RPS6KC1: variants seen among roughly 807,000 people sequenced by gnomAD.
RPS6KC1 encodes inactive ribosomal protein S6 kinase delta-1.
A neutral mutation model predicts 103.8 loss-of-function variants in RPS6KC1; 54 were observed. The ratio of observed to expected loss-of-function variants is 0.52; its 90% CI spans 0.42 to 0.65. The LOEUF is 0.65. RPS6KC1 is among the 30% of genes least tolerant of loss of function. RPS6KC1 has a pLI of 0.00. For synonymous variants in RPS6KC1, 439 were observed against 438.7 expected, an observed-to-expected ratio of 1.00 and a Z score of -0.01; for missense variants, 1,151 against 1,253.8, an observed-to-expected ratio of 0.92 and a Z score of 1.24.
At chr1:213,067,113 G>A (rs935272109) in intron 1 of RPS6KC1, among the ~76,000 whole-genome samples, 3 of 152,192 alleles carry the variant, frequency 2.0e-5, no homozygotes, top group Non-Finnish European at 4.4e-5. Context: ...GACTGAACCA[G>A]TGTACATCTT....
At chr1:213,391,809 A>G in the RPS6KC1 span, among the ~76,000 whole-genome samples, 3 of 152,182 alleles carry the variant, frequency 2.0e-5, no homozygotes, top group Non-Finnish European at 4.4e-5. Flanking sequence ...TTTTTATTCT[A>G]TATATCTTTT....
the RPS6KC1 span, among the ~76,000 whole-genome samples, chr1:213,772,742 G>A: frequency 1.6e-4 from 25 of 152,258 alleles, no homozygotes; most frequent in South Asian, 3.9e-3. Flanking sequence ...TGAACACCCC[G>A]GAGGCAGGGC....
chr1:213,114,167 C>T (rs371344080), intron 4 of RPS6KC1, among the ~76,000 whole-genome samples: 2 of 152,024 alleles, frequency 1.3e-5, no homozygotes, highest in African/African-American at 2.4e-5. Flanking sequence ...GCCATTTTCA[C>T]GATATGGATT....
chr1:213,146,992 G>A (rs1041726314), intron 6 of RPS6KC1, among the ~76,000 whole-genome samples: 1 of 152,122 alleles, frequency 6.6e-6, no homozygotes, highest in East Asian at 1.9e-4. Flanking sequence ...CCATGTGTAT[G>A]TCTTTTGAGA....
the RPS6KC1 span, among the ~76,000 whole-genome samples, chr1:213,823,311 C>A: frequency 6.6e-6 from 1 of 152,206 alleles, no homozygotes; most frequent in African/African-American, 2.4e-5. Flanking sequence ...CCAACTAGAG[C>A]CTAAGTTCTG....
At chr1:213,786,058 C>G in the RPS6KC1 span, among the ~76,000 whole-genome samples, 1 of 151,552 alleles carries the variant, frequency 6.6e-6, no homozygotes, top group Non-Finnish European at 1.5e-5. Context: ...CTTAGTCTGA[C>G]AATTTAAAAA....
chr1:213,838,549 A>T, the RPS6KC1 span, among the ~76,000 whole-genome samples: 1 of 152,204 alleles, frequency 6.6e-6, no homozygotes, highest in Non-Finnish European at 1.5e-5. Context: ...AACCAACAGT[A>T]GCAGCCCACT....
chr1:213,719,959 TC>T, the RPS6KC1 span, among the ~76,000 whole-genome samples: 748 of 152,304 alleles, frequency 4.9e-3, 5 homozygotes, highest in African/African-American at 0.017. Context: ...TTACCTTTCT[TC>T]CCACTCAGTC....
chr1:213,327,623 T>G, the RPS6KC1 span, among the ~76,000 whole-genome samples: 2 of 152,088 alleles, frequency 1.3e-5, no homozygotes. Flanking sequence ...GTTTTGGGGA[T>G]GGGGTTGGGA....
chr1:213,559,781 CAT>C, the RPS6KC1 span, among the ~76,000 whole-genome samples: 14 of 152,116 alleles, frequency 9.2e-5, no homozygotes, highest in Admixed American at 9.2e-4. Context: ...AAAAAGTAAA[CAT>C]AATCAGGTAA....
intron 8 of RPS6KC1, among the ~76,000 whole-genome samples, chr1:213,223,006 T>A (rs1001515028): frequency 6.6e-6 from 1 of 152,224 alleles, no homozygotes; most frequent in Admixed American, 6.5e-5. Context: ...TGGGAAAAAC[T>A]TATTTGCAAA....
At chr1:213,231,796 G>A (rs1345374360) in intron 9 of RPS6KC1, among the ~76,000 whole-genome samples, 1 of 152,144 alleles carries the variant, frequency 6.6e-6, no homozygotes, top group South Asian at 2.1e-4. Context: ...ATATAGATAA[G>A]TAAAATAAAA....
chr1:213,458,883 T>C, the RPS6KC1 span, among the ~76,000 whole-genome samples: 1 of 152,240 alleles, frequency 6.6e-6, no homozygotes, highest in Non-Finnish European at 1.5e-5. Context: ...TTTTTGTCAT[T>C]GGTTCTGTTT....
Position 213,112,515 on chromosome 1 carries a change from C to G in RPS6KC1, c.379-4802C>G, listed in dbSNP as rs970925294. 4.6e-5 allele frequency among the ~76,000 whole-genome samples: 7 copies of G among 150,646 alleles called. 1 individual carries two copies. The highest frequency in any genetic ancestry group is 6.3e-3 in the Middle Eastern group (2 of 316). On this transcript the variant is annotated intron_variant, in intron 4 of 14. Transcript: ENST00000366960. ...AAGTACCTTAATTTTTTTTGTTTTA[C>G]CTATATTGTATACAAGTGGTTCTCA...
At chr1:213,111,240 A>G (rs1055216273) in intron 4 of RPS6KC1, among the ~76,000 whole-genome samples, 2 of 152,074 alleles carry the variant, frequency 1.3e-5, no homozygotes, top group African/African-American at 4.8e-5. Flanking sequence ...TGGGGAAAGC[A>G]TTTGCTGGAT....
chr1:213,103,637 G>C (rs1217895681), intron 3 of RPS6KC1, among the ~76,000 whole-genome samples: 1 of 152,018 alleles, frequency 6.6e-6, no homozygotes, highest in Non-Finnish European at 1.5e-5. Context: ...GAATCTCTTT[G>C]TGCCTCAGTT....
At chr1:213,472,607 A>G in the RPS6KC1 span, among the ~76,000 whole-genome samples, 1 of 152,202 alleles carries the variant, frequency 6.6e-6, no homozygotes, top group Admixed American at 6.5e-5. Flanking sequence ...CATGAAATGG[A>G]AACTCTACTA....
the RPS6KC1 span, among the ~76,000 whole-genome samples, chr1:213,289,115 A>G: frequency 0.97 from 147,855 of 152,144 alleles, 72,000 homozygotes; most frequent in East Asian, 1. Context: ...ATCTTCTCAC[A>G]TGCCTGGCAT....
At chr1:213,302,836 AT>A in the RPS6KC1 span, among the ~76,000 whole-genome samples, 2 of 152,176 alleles carry the variant, frequency 1.3e-5, no homozygotes, top group Admixed American at 6.5e-5. Context: ...TCAGGAGCTT[AT>A]TTTTGTATAT....
Sources: allele counts gnomAD v4.1 joint callset (sites outside exome capture counted in the v4.1 genomes callset), GRCh38; gene constraint gnomAD v4.1.1; transcripts MANE v1.5; gene names NCBI Gene and HGNC (gene_info 2026-07-23, HGNC 2026-07-21).